Variants in SLC67A1 observed in about 807,000 individuals in gnomAD.
The protein encoded by SLC67A1 is solute carrier family 67 member 1, also known as solute carrier family 67 member A1.
chr11:2,917,454 A>C, the SLC67A1 span, among the ~76,000 whole-genome samples: 3 of 152,100 alleles, frequency 2.0e-5, no homozygotes, highest in Non-Finnish European at 4.4e-5. Flanking sequence ...GGAGCCCCTG[A>C]GACAATAAGG....
the SLC67A1 span, chr11:2,903,162 G>C: frequency 7.1e-7 from 1 of 1,409,906 alleles, no homozygotes; most frequent in African/African-American, 1.4e-5. Flanking sequence ...GGTCCAGGTA[G>C]CAGGAGAGCT....
At chr11:2,924,573 G>A in the SLC67A1 span, among the ~76,000 whole-genome samples, 1 of 152,200 alleles carries the variant, frequency 6.6e-6, no homozygotes, top group South Asian at 2.1e-4. This position sits in a 1 kb window ranked among gnomAD's most constrained non-coding sequence, Gnocchi z 8.6. Context: ...TGGGCGGGAG[G>A]TTCCGGGCCC....
chr11:2,917,492 G>A, the SLC67A1 span, among the ~76,000 whole-genome samples: 3 of 152,222 alleles, frequency 2.0e-5, no homozygotes, highest in Non-Finnish European at 4.4e-5. Flanking sequence ...CCGGGCTGGG[G>A]GCCTGTGGCT....
At chr11:2,918,170 C>T in the SLC67A1 span, 1 of 1,135,668 alleles carries the variant, frequency 8.8e-7, no homozygotes, top group African/African-American at 1.5e-5. Flanking sequence ...CCGGCCCTTC[C>T]TCTGGCCTGT....
the SLC67A1 span, among the ~76,000 whole-genome samples, chr11:2,917,476 G>A: frequency 2.0e-5 from 3 of 152,242 alleles, no homozygotes; most frequent in Non-Finnish European, 2.9e-5. Context: ...GGAAGGACTC[G>A]GTGAGCCGGG....
At chr11:2,911,429 G>A in the SLC67A1 span, among the ~76,000 whole-genome samples, 1 of 148,142 alleles carries the variant, frequency 6.8e-6, no homozygotes, top group Admixed American at 6.6e-5. Flanking sequence ...CCTGGGGCCA[G>A]GGGGCTGGCA....
the SLC67A1 span, among the ~76,000 whole-genome samples, chr11:2,906,068 C>T: frequency 6.6e-6 from 1 of 152,176 alleles, no homozygotes; most frequent in Non-Finnish European, 1.5e-5. Flanking sequence ...CCTCTATGAA[C>T]AGACACTTCT....
At chr11:2,915,951 T>C in the SLC67A1 span, among the ~76,000 whole-genome samples, 1 of 152,208 alleles carries the variant, frequency 6.6e-6, no homozygotes, top group Non-Finnish European at 1.5e-5. Flanking sequence ...GCAGGGAAGC[T>C]GACGGTACAG....
the SLC67A1 span, chr11:2,909,839 T>C: frequency 1.2e-5 from 13 of 1,052,166 alleles, no homozygotes; most frequent in Non-Finnish European, 1.6e-5. Flanking sequence ...GTGATGTGGC[T>C]ACTGGGGACG....
chr11:2,921,463 GGCGCGTTGGCCCA>G, the SLC67A1 span: 1 of 154,854 alleles, frequency 6.5e-6, no homozygotes, highest in Non-Finnish European at 1.4e-5. Flanking sequence ...TGCACTCCCA[GGCGCGTTGGCCCA>G]GCACGCCCTG....
the SLC67A1 span, chr11:2,909,566 C>G: frequency 6.6e-7 from 1 of 1,525,418 alleles, no homozygotes; most frequent in Non-Finnish European, 8.8e-7. Flanking sequence ...AGCTCCCCCG[C>G]CCCGTCCCCA....
chr11:2,919,347 C>T, the SLC67A1 span: 8 of 1,613,998 alleles, frequency 5.0e-6, no homozygotes, highest in South Asian at 8.8e-5. Flanking sequence ...CCATGGACTT[C>T]TTCCAGCTGG....
At chr11:2,909,237 C>T in the SLC67A1 span, 1 of 1,539,654 alleles carries the variant, frequency 6.5e-7, no homozygotes, top group East Asian at 2.4e-5. Context: ...CTCACGCTCT[C>T]CTTCCTGGCT....
the SLC67A1 span, chr11:2,902,271 G>A: frequency 2.0e-5 from 3 of 152,314 alleles, no homozygotes; most frequent in Non-Finnish European, 4.4e-5. Context: ...GAAAGGGCGG[G>A]GCCGGGGCTC....
chr11:2,919,078 C>T, the SLC67A1 span: 4 of 555,250 alleles, frequency 7.2e-6, no homozygotes. Flanking sequence ...CCTTCCTGCT[C>T]ACAGTCCAGA....
chr11:2,900,362 G>T, the SLC67A1 span, among the ~76,000 whole-genome samples: 2 of 152,164 alleles, frequency 1.3e-5, no homozygotes, highest in Middle Eastern at 6.8e-3. Context: ...TGATTGACGT[G>T]TGTGAATGGG....
At chr11:2,919,493 G>A in the SLC67A1 span, 18 of 951,792 alleles carry the variant, frequency 1.9e-5, no homozygotes, top group Admixed American at 7.9e-5. Flanking sequence ...CCTCCCCGGC[G>A]GAGGCTGGGG....
chr11:2,915,879 G>C, the SLC67A1 span, among the ~76,000 whole-genome samples: 2 of 152,242 alleles, frequency 1.3e-5, no homozygotes, highest in African/African-American at 4.8e-5. Flanking sequence ...GTCCCCAGGA[G>C]ACAAGACCTG....
At chr11:2,909,155 G>T in the SLC67A1 span, 2 of 1,448,930 alleles carry the variant, frequency 1.4e-6, no homozygotes, top group South Asian at 2.8e-5. Flanking sequence ...AGGGGACACT[G>T]ACCGCCTCCG....
Sources: gnomAD v4.1 joint callset for allele counts (sites outside exome capture counted in the v4.1 genomes callset) on GRCh38, gnomAD v4.1.1 for gene constraint, Gnocchi (gnomAD v3.1) non-coding constraint, MANE v1.5 for transcripts, NCBI Gene and HGNC (gene_info 2026-07-23, HGNC 2026-07-21) for gene names.